Variants in NPAS3 observed in about 807,000 individuals in gnomAD.
NPAS3 encodes neuronal PAS domain protein 3.
NPAS3 carries 14 observed loss-of-function variants against 73.1 expected under a neutral mutation model. The ratio of observed to expected loss-of-function variants is 0.19; its 90% CI spans 0.13 to 0.30. The LOEUF is 0.30. NPAS3 is among the 10% of genes least tolerant of loss of function. The pLI, the probability that NPAS3 is intolerant of heterozygous loss-of-function variation, is 1.00. For synonymous variants in NPAS3, 620 were observed against 541.5 expected (o/e 1.14, Z -2.01); for missense variants, 1,096 against 1,250.0 (o/e 0.88, Z 1.86).
intron 4 of NPAS3, among the ~76,000 whole-genome samples, chr14:33,414,188 G>C (rs976552047): frequency 7.9e-5 from 12 of 152,108 alleles, no homozygotes; most frequent in Admixed American, 1.3e-4. Context: ...ACGGAGGCAT[G>C]AGAGCAAAAA....
intron 6 of NPAS3, among the ~76,000 whole-genome samples, chr14:33,726,128 T>C (rs1289965769): frequency 6.6e-6 from 1 of 152,144 alleles, no homozygotes; most frequent in Non-Finnish European, 1.5e-5. Context: ...TACTCAAGTC[T>C]CTATTTTCAC....
chr14:33,374,264 A>G (rs1012956691), intron 4 of NPAS3, among the ~76,000 whole-genome samples: 1 of 152,132 alleles, frequency 6.6e-6, no homozygotes, highest in African/African-American at 2.4e-5. Flanking sequence ...CCTCAAATAA[A>G]AGAAGAACCT....
At chr14:33,357,049 G>A (rs1566827480) in intron 3 of NPAS3, among the ~76,000 whole-genome samples, 2 of 152,200 alleles carry the variant, frequency 1.3e-5, no homozygotes, top group Admixed American at 6.5e-5. Context: ...CTAAATCATA[G>A]CCTCTGTAGG....
chr14:32,944,332 T>C (rs976347933), intron 1 of NPAS3, among the ~76,000 whole-genome samples: 2 of 152,234 alleles, frequency 1.3e-5, no homozygotes, highest in African/African-American at 2.4e-5. Flanking sequence ...TTTATAGACG[T>C]GTCTTTAATT....
chr14:33,078,347 T>C (rs2041742693), intron 2 of NPAS3, among the ~76,000 whole-genome samples: 1 of 152,074 alleles, frequency 6.6e-6, no homozygotes, highest in South Asian at 2.1e-4. Context: ...AGAAATAAAA[T>C]GGAAGAAGCT....
intron 7 of NPAS3, among the ~76,000 whole-genome samples, chr14:33,764,823 A>C (rs966067873): frequency 2.0e-5 from 3 of 152,236 alleles, no homozygotes; most frequent in Non-Finnish European, 2.9e-5. Context: ...TAACTGAATC[A>C]AATGAAATTT....
At chr14:33,537,249 C>T (rs745384997) in intron 4 of NPAS3, among the ~76,000 whole-genome samples, 1 of 152,156 alleles carries the variant, frequency 6.6e-6, no homozygotes, top group Non-Finnish European at 1.5e-5. Flanking sequence ...TACTTCTGCT[C>T]TATTTTAATT....
At chr14:33,766,282 C>T (rs1014743080) in intron 7 of NPAS3, among the ~76,000 whole-genome samples, 1 of 152,152 alleles carries the variant, frequency 6.6e-6, no homozygotes, top group African/African-American at 2.4e-5. Context: ...TTATGTATAA[C>T]TTCAGATCTG....
rs542250358 is a variant in NPAS3, at chr14:33,016,937, A to G, written c.51-38968A>G. On this transcript the variant is annotated intron_variant, in intron 1 of 11. Coordinates refer to ENST00000356141, the Ensembl canonical transcript of NPAS3. ...GACTACAGAGAAAGAAACACTACTA[A>G]ATTCTATTTAATTTCTGTTTTCTCT... 4.6e-4 allele frequency among the ~76,000 whole-genome samples: 70 copies of G among 152,288 alleles called. 1 individual carries two copies. The South Asian group carries it at 0.015, about 32-fold the overall frequency.
chr14:32,959,860 C>T (rs929348345), intron 1 of NPAS3, among the ~76,000 whole-genome samples: 1 of 152,130 alleles, frequency 6.6e-6, no homozygotes, highest in African/African-American at 2.4e-5. Context: ...CCACCTATAC[C>T]CACAAAGAGG....
intron 4 of NPAS3, among the ~76,000 whole-genome samples, chr14:33,546,307 T>A (rs1291753070): frequency 6.6e-6 from 1 of 152,036 alleles, no homozygotes; most frequent in East Asian, 1.9e-4. Flanking sequence ...GTGAGAAGAG[T>A]CCTAATATTT....
chr14:33,367,310 GA>G, intron 4 of NPAS3, 42 bp downstream of exon 4: 1 of 803,334 alleles, frequency 1.2e-6, no homozygotes, highest in South Asian at 1.5e-5. Context: ...ATTTTACTAA[GA>G]AAAAACCATA....
At chr14:32,942,981 G>A (rs2036088071) in intron 1 of NPAS3, among the ~76,000 whole-genome samples, 1 of 152,154 alleles carries the variant, frequency 6.6e-6, no homozygotes, top group Non-Finnish European at 1.5e-5. Context: ...AGATCGTATA[G>A]CTCCAGAGCC....
chr14:33,252,091 G>A (rs1402265056), intron 3 of NPAS3, among the ~76,000 whole-genome samples: 3 of 134,226 alleles, frequency 2.2e-5, no homozygotes, highest in African/African-American at 8.0e-5. Flanking sequence ...GTGTGTGTGT[G>A]TAATAAACCC....
intron 3 of NPAS3, among the ~76,000 whole-genome samples, chr14:33,286,677 T>A (rs951874794): frequency 2.6e-5 from 4 of 152,118 alleles, no homozygotes; most frequent in South Asian, 2.1e-4. Context: ...CTTTTTTTTT[T>A]AAATCAAAAG....
intron 2 of NPAS3, among the ~76,000 whole-genome samples, chr14:33,083,701 C>G (rs12587385): frequency 0.059 from 8,950 of 152,174 alleles, 667 homozygotes; most frequent in East Asian, 0.36. Flanking sequence ...AGGAGCCTCT[C>G]AAATATTTGA....
At chr14:33,436,176 C>T (rs1453405322) in intron 4 of NPAS3, among the ~76,000 whole-genome samples, 4 of 152,128 alleles carry the variant, frequency 2.6e-5, no homozygotes, top group African/African-American at 4.8e-5. Flanking sequence ...TGGGTGATTT[C>T]GAGAGGTGAC....
intron 4 of NPAS3, among the ~76,000 whole-genome samples, chr14:33,436,628 T>C (rs1408584746): frequency 6.6e-6 from 1 of 152,228 alleles, no homozygotes; most frequent in Non-Finnish European, 1.5e-5. Flanking sequence ...GTATCTGTGT[T>C]CCTCAAAGGT....
intron 1 of NPAS3, among the ~76,000 whole-genome samples, chr14:32,993,807 G>T (rs2038440606): frequency 6.6e-6 from 1 of 152,102 alleles, no homozygotes; most frequent in Non-Finnish European, 1.5e-5. Context: ...ATAAGATATT[G>T]TTACCTTTTA....
Sources: gnomAD v4.1 joint callset for allele counts (sites outside exome capture counted in the v4.1 genomes callset) on GRCh38, gnomAD v4.1.1 for gene constraint, MANE v1.5 for transcripts, NCBI Gene and HGNC (gene_info 2026-07-23, HGNC 2026-07-21) for gene names.